The following GPC6 variants were observed in gnomAD, a reference collection of about 807,000 sequenced individuals.
The protein encoded by GPC6 is glypican-6.
A neutral mutation model predicts 55.2 loss-of-function variants in GPC6; 14 were observed. The ratio of observed to expected loss-of-function variants is 0.25; its 90% CI spans 0.17 to 0.40. The LOEUF (loss-of-function observed/expected upper bound fraction) is 0.40, where lower values mean the gene tolerates loss of function less well. Among genes scored for constraint, GPC6 ranks in the 10% least tolerant of loss-of-function variants. The pLI is 1.00. For missense variants in GPC6, 641 were observed against 708.5 expected (o/e 0.90, Z 1.08); for synonymous variants, 278 against 259.6 (o/e 1.07, Z -0.68).
At chr13:93,979,281 T>TTGTGTGTGTGTGTGTGTG (rs72400372) in intron 3 of GPC6, among the ~76,000 whole-genome samples, 3 of 140,250 alleles carry the variant, frequency 2.1e-5, no homozygotes, top group Admixed American at 7.0e-5. Flanking sequence ...GACACTTCTT[T>TTGTGTGTGTGTGTGTGTG]TGTGTGTGTG....
intron 2 of GPC6, among the ~76,000 whole-genome samples, chr13:93,641,091 C>T (rs961671758): frequency 6.6e-6 from 1 of 151,968 alleles, no homozygotes; most frequent in Admixed American, 6.6e-5. Context: ...CATCCTTCCA[C>T]AAACCTTATA....
At chr13:93,331,435 G>C (rs1201540918) in intron 1 of GPC6, among the ~76,000 whole-genome samples, 2 of 152,154 alleles carry the variant, frequency 1.3e-5, no homozygotes, top group African/African-American at 4.8e-5. Context: ...GCGTGGTAGA[G>C]TATGATTCAT....
intron 1 of GPC6, among the ~76,000 whole-genome samples, chr13:93,459,475 AATAATT>A (rs1349634326): frequency 6.6e-6 from 1 of 152,216 alleles, no homozygotes; most frequent in Admixed American, 6.5e-5. Context: ...TTGTCATTGA[AATAATT>A]ATAAAAGGAT....
chr13:93,759,643 C>T (rs1460671152), intron 2 of GPC6, among the ~76,000 whole-genome samples: 1 of 152,116 alleles, frequency 6.6e-6, no homozygotes, highest in Non-Finnish European at 1.5e-5. Context: ...GAAGAAAATC[C>T]TGATTTGATG....
chr13:94,173,179 C>T (rs1184019893), intron 4 of GPC6, among the ~76,000 whole-genome samples: 2 of 152,094 alleles, frequency 1.3e-5, no homozygotes, highest in Non-Finnish European at 2.9e-5. Context: ...TGTTGAAGCT[C>T]ATGGAAACTG....
At chr13:93,766,514 G>A (rs1053587031) in intron 2 of GPC6, among the ~76,000 whole-genome samples, 1 of 151,824 alleles carries the variant, frequency 6.6e-6, no homozygotes, top group Non-Finnish European at 1.5e-5. Flanking sequence ...TTTATAAAAG[G>A]TAAATAAATA....
intron 3 of GPC6, among the ~76,000 whole-genome samples, chr13:93,998,155 T>C (rs1325348361): frequency 6.6e-6 from 1 of 152,220 alleles, no homozygotes. Context: ...AAAAGAGATA[T>C]GCAGTAGCAT....
intron 1 of GPC6, among the ~76,000 whole-genome samples, chr13:93,371,176 G>A (rs763644545): frequency 1.3e-5 from 2 of 152,052 alleles, no homozygotes; most frequent in African/African-American, 2.4e-5. Context: ...ATTGGGATCA[G>A]GTTTATGGCT....
At chr13:94,185,659 A>G (rs760298710) in intron 4 of GPC6, among the ~76,000 whole-genome samples, 11 of 152,150 alleles carry the variant, frequency 7.2e-5, no homozygotes, top group Non-Finnish European at 1.5e-4. Flanking sequence ...GATGCAGTCT[A>G]TGAGGAGGTC....
chr13:93,393,787 T>C (rs1294953547), intron 1 of GPC6, among the ~76,000 whole-genome samples: 1 of 152,112 alleles, frequency 6.6e-6, no homozygotes, highest in African/African-American at 2.4e-5. Context: ...CCCCATGATA[T>C]ACTCCTGCCA....
chr13:93,940,536 G>T (rs776353234), intron 3 of GPC6, among the ~76,000 whole-genome samples: 12 of 151,886 alleles, frequency 7.9e-5, no homozygotes, highest in Non-Finnish European at 1.5e-4. Context: ...TAAATACCAG[G>T]TACAAGAAAT....
At chr13:93,228,127 C>G (rs969193703) in intron 1 of GPC6, among the ~76,000 whole-genome samples, 2 of 152,150 alleles carry the variant, frequency 1.3e-5, no homozygotes, top group Non-Finnish European at 2.9e-5. Flanking sequence ...CTCCCCTATC[C>G]GTCCTTCGGG....
intron 3 of GPC6, among the ~76,000 whole-genome samples, chr13:93,839,028 G>A (rs952921081): frequency 1.3e-5 from 2 of 152,214 alleles, no homozygotes; most frequent in East Asian, 1.9e-4. Context: ...AGCAAAGCAC[G>A]CCCTCCTGAA....
At chr13:93,939,876 CT>C (rs935448068) in intron 3 of GPC6, among the ~76,000 whole-genome samples, 2 of 152,096 alleles carry the variant, frequency 1.3e-5, no homozygotes, top group African/African-American at 2.4e-5. Flanking sequence ...AATCTAAAAG[CT>C]TTTTTTCAGA....
intron 6 of GPC6, among the ~76,000 whole-genome samples, chr13:94,357,968 G>A (rs900042192): frequency 6.6e-6 from 1 of 152,138 alleles, no homozygotes; most frequent in African/African-American, 2.4e-5. Context: ...CTTAATGAAT[G>A]TTTGTTGACT....
At position 93,590,480 on chromosome 13, in the gene GPC6, A is replaced by T. The variant is rs1029103927; in HGVS notation, c.319+45059A>T. Among the ~76,000 whole-genome samples, 16 of 152,304 alleles carry T rather than the reference A, an allele frequency of 1.1e-4. No homozygotes were observed. The East Asian group carries it at 3.1e-3, about 29-fold the overall frequency. On this transcript the variant is annotated intron_variant, in intron 2 of 8. Transcript: ENST00000377047. ...TTGTTTTAAAATAGATATTCTAGTA[A>T]TATAATTCTTATTGTGCCTGAAAAG...
chr13:93,542,429 T>G, intron 1 of GPC6, among the ~76,000 whole-genome samples: 1 of 152,186 alleles, frequency 6.6e-6, no homozygotes, highest in Non-Finnish European at 1.5e-5. Context: ...TACTGTAGCC[T>G]TGTAGTATAG....
intron 4 of GPC6, among the ~76,000 whole-genome samples, chr13:94,147,843 TTTATC>T (rs1337221308): frequency 1.3e-5 from 2 of 152,156 alleles, no homozygotes; most frequent in Admixed American, 1.3e-4. Flanking sequence ...ATTGTACTCA[TTTATC>T]ATAAAAGTTA....
At chr13:94,219,405 A>G (rs1257412525) in intron 4 of GPC6, among the ~76,000 whole-genome samples, 1 of 152,176 alleles carries the variant, frequency 6.6e-6, no homozygotes, top group Non-Finnish European at 1.5e-5. Context: ...TGTACCAGAC[A>G]CTAGGGGCTC....
Sources: allele counts gnomAD v4.1 joint callset (sites outside exome capture counted in the v4.1 genomes callset), GRCh38; gene constraint gnomAD v4.1.1; transcripts MANE v1.5; gene names NCBI Gene and HGNC (gene_info 2026-07-23, HGNC 2026-07-21).